The following ANKRD6 variants were observed in gnomAD, a reference collection of about 807,000 sequenced individuals.
ANKRD6 encodes ankyrin repeat domain-containing protein 6.
Under a neutral mutation model 82.3 loss-of-function variants are expected in ANKRD6, and 56 were observed. The observed-to-expected ratio is 0.68, with a 90% confidence interval of 0.55 to 0.85. The LOEUF is 0.85. Ranked by LOEUF, ANKRD6 falls within the 40% of genes least tolerant of loss-of-function variation. The pLI is 0.00. For synonymous variants in ANKRD6, 347 were observed against 352.1 expected, an observed-to-expected ratio of 0.99 and a Z score of 0.16; for missense variants, 852 against 907.6, an observed-to-expected ratio of 0.94 and a Z score of 0.79.
intron 5 of ANKRD6, among the ~76,000 whole-genome samples, chr6:89,606,550 G>A (rs1204708583): frequency 6.6e-6 from 1 of 152,062 alleles, no homozygotes; most frequent in African/African-American, 2.4e-5. Context: ...AAACAAATCA[G>A]GAGCCTTAAA....
downstream of ANKRD6, chr6:89,633,827 G>A (rs1324294372): frequency 1.3e-5 from 2 of 152,212 alleles, no homozygotes; most frequent in Admixed American, 6.5e-5. Flanking sequence ...AAAAATGCAA[G>A]TGTGAATACT....
chr6:89,465,619 G>A (rs2127778610), intron 1 of ANKRD6, among the ~76,000 whole-genome samples: 1 of 152,074 alleles, frequency 6.6e-6, no homozygotes, highest in Admixed American at 6.5e-5. Context: ...CCAGTGCTTT[G>A]GGAGGTCAAG....
chr6:89,488,833 A>G (rs1162946362), intron 1 of ANKRD6, among the ~76,000 whole-genome samples: 1 of 152,030 alleles, frequency 6.6e-6, no homozygotes, highest in Non-Finnish European at 1.5e-5. Flanking sequence ...ATACACACAA[A>G]TGAAACAAAT....
At chr6:89,630,023 C>T (rs1807005788) in intron 15 of ANKRD6, among the ~76,000 whole-genome samples, 1 of 152,198 alleles carries the variant, frequency 6.6e-6, no homozygotes. Context: ...TAGGCCCAGA[C>T]ATTAGAGAAT....
intron 1 of ANKRD6, among the ~76,000 whole-genome samples, chr6:89,529,096 C>A (rs1353181327): frequency 6.6e-6 from 1 of 152,166 alleles, no homozygotes; most frequent in Admixed American, 6.5e-5. Context: ...AGAGAGTCAC[C>A]CTGTCCTTTG....
chr6:89,566,449 C>T (rs1788539118), intron 1 of ANKRD6, among the ~76,000 whole-genome samples: 1 of 152,230 alleles, frequency 6.6e-6, no homozygotes, highest in African/African-American at 2.4e-5. Context: ...GCACAAAATC[C>T]AACCAGGGGG....
chr6:89,602,392 A>C (rs190132244), intron 3 of ANKRD6: 1 of 152,250 alleles, frequency 6.6e-6, no homozygotes, highest in African/African-American at 2.4e-5. Flanking sequence ...ATCCGATCAT[A>C]GAGAAGAGGG....
intron 1 of ANKRD6, among the ~76,000 whole-genome samples, chr6:89,513,203 T>C (rs1780767246): frequency 6.6e-6 from 1 of 152,250 alleles, no homozygotes; most frequent in Non-Finnish European, 1.5e-5. Context: ...TGTGCATGGC[T>C]GTCATGGCTG....
intron 1 of ANKRD6, among the ~76,000 whole-genome samples, chr6:89,537,123 C>G (rs1233690007): frequency 6.6e-6 from 1 of 152,018 alleles, no homozygotes; most frequent in Non-Finnish European, 1.5e-5. Context: ...GAACTGGGAA[C>G]ATGGTTTCCT....
intron 15 of ANKRD6, chr6:89,629,548 A>C: frequency 2.6e-6 from 1 of 381,658 alleles, no homozygotes; most frequent in South Asian, 2.2e-5. Flanking sequence ...AGAGGTGATG[A>C]AGATCCATCG....
At chr6:89,547,133 A>T (rs564056254) in intron 1 of ANKRD6, among the ~76,000 whole-genome samples, 1 of 151,492 alleles carries the variant, frequency 6.6e-6, no homozygotes, top group Admixed American at 6.6e-5. Flanking sequence ...GCCTTAAGAA[A>T]CTTCTTTATG....
At chr6:89,553,544 A>G (rs1242452620) in intron 1 of ANKRD6, among the ~76,000 whole-genome samples, 1 of 152,140 alleles carries the variant, frequency 6.6e-6, no homozygotes, top group Non-Finnish European at 1.5e-5. Context: ...GCAGGATTAT[A>G]GTCAGACATT....
At chr6:89,457,261 AC>A in intron 1 of ANKRD6, among the ~76,000 whole-genome samples, 1 of 152,300 alleles carries the variant, frequency 6.6e-6, no homozygotes, top group African/African-American at 2.4e-5. Flanking sequence ...GGTCACACAT[AC>A]CCAGCCTTGA....
chr6:89,522,564 G>A (rs118113495), intron 1 of ANKRD6, among the ~76,000 whole-genome samples: 1 of 152,092 alleles, frequency 6.6e-6, no homozygotes, highest in Non-Finnish European at 1.5e-5. Flanking sequence ...TCTAAATTGG[G>A]AATTATGTGC....
At chr6:89,469,295 A>G (rs559967032) in intron 1 of ANKRD6, among the ~76,000 whole-genome samples, 59 of 152,088 alleles carry the variant, frequency 3.9e-4, no homozygotes, top group Middle Eastern at 3.2e-3. Flanking sequence ...TTTCATTCAC[A>G]ACCTTAGCTC....
intron 1 of ANKRD6, among the ~76,000 whole-genome samples, chr6:89,463,573 T>A (rs964970879): frequency 6.6e-5 from 10 of 152,328 alleles, no homozygotes; most frequent in Admixed American, 4.6e-4. Context: ...AAAGGATATA[T>A]GAAAACTGTC....
rs1582685226 is a variant in ANKRD6, at chr6:89,455,122, G to T, written c.-144+21747G>T. 1.3e-5 allele frequency among the ~76,000 whole-genome samples: 2 copies of T among 151,320 alleles called. 1 individual carries two copies. Among genetic ancestry groups the T allele is most frequent in the South Asian group, 4.2e-4 (2 of 4,808 alleles). On this transcript the variant is annotated intron_variant, in intron 1 of 15. Transcript: ENST00000339746. ...GTCTCCCAAAGTGCTGGGATTACAG[G>T]TGTGAGCCACCACACCCAGTGTGTG... is the stretch of plus-strand genomic sequence containing the variant.
intron 1 of ANKRD6, among the ~76,000 whole-genome samples, chr6:89,536,811 C>T (rs1460762188): frequency 6.6e-6 from 1 of 152,310 alleles, no homozygotes; most frequent in Middle Eastern, 3.4e-3. Context: ...CAGTTGCCTT[C>T]TTTTACCTTC....
intron 1 of ANKRD6, among the ~76,000 whole-genome samples, chr6:89,506,791 C>T (rs1582980026): frequency 6.6e-6 from 1 of 152,242 alleles, no homozygotes; most frequent in Non-Finnish European, 1.5e-5. Flanking sequence ...GCATCCCGAT[C>T]TCTAGCTGCA....
Sources: gnomAD v4.1 joint callset for allele counts (sites outside exome capture counted in the v4.1 genomes callset) on GRCh38, gnomAD v4.1.1 for gene constraint, MANE v1.5 for transcripts, NCBI Gene and HGNC (gene_info 2026-07-23, HGNC 2026-07-21) for gene names.